NDST4: variants seen among roughly 807,000 people sequenced by gnomAD.
NDST4 encodes N-deacetylase and N-sulfotransferase 4.
Under a neutral mutation model 100.8 loss-of-function variants are expected in NDST4, and 63 were observed. The observed-to-expected ratio is 0.62, with a 90% CI of 0.51 to 0.77. The LOEUF (loss-of-function observed/expected upper bound fraction) is 0.77. NDST4 is among the 30% of genes least tolerant of loss of function. The probability of loss-of-function intolerance (pLI) is 0.00; values close to 1 mark genes in which losing one functional copy is unlikely to be tolerated. For synonymous variants in NDST4, 377 were observed against 361.8 expected, an observed-to-expected ratio of 1.04 and a Z score of -0.48; for missense variants, 943 against 1,018.4, an observed-to-expected ratio of 0.93 and a Z score of 1.01.
At chr4:114,858,805 AG>A (rs1432737454) in intron 7 of NDST4, among the ~76,000 whole-genome samples, 1 of 152,174 alleles carries the variant, frequency 6.6e-6, no homozygotes, top group Non-Finnish European at 1.5e-5. Flanking sequence ...CTCCCATAGC[AG>A]GGAAGATTCC....
At chr4:114,926,493 T>C (rs1185853589) in intron 6 of NDST4, among the ~76,000 whole-genome samples, 2 of 152,052 alleles carry the variant, frequency 1.3e-5, no homozygotes, top group Non-Finnish European at 1.5e-5. Flanking sequence ...ATGACATATT[T>C]TGAAATGTGT....
chr4:115,057,097 T>A (rs938065632), intron 2 of NDST4, among the ~76,000 whole-genome samples: 7 of 152,306 alleles, frequency 4.6e-5, no homozygotes, highest in Middle Eastern at 3.4e-3. Flanking sequence ...TTCGACATTA[T>A]ATAATCCCAG....
chr4:115,067,713 G>C (rs1728979662), intron 2 of NDST4, among the ~76,000 whole-genome samples: 1 of 149,926 alleles, frequency 6.7e-6, no homozygotes, highest in Non-Finnish European at 1.5e-5. Flanking sequence ...CTTAAATATA[G>C]TAACCTTATC....
chr4:114,870,028 C>T (rs1030436833), intron 7 of NDST4, among the ~76,000 whole-genome samples: 1 of 152,166 alleles, frequency 6.6e-6, no homozygotes, highest in Non-Finnish European at 1.5e-5. Context: ...AGGGGACTAT[C>T]TGATCTGCTC....
intron 12 of NDST4, among the ~76,000 whole-genome samples, chr4:114,831,146 G>C (rs1245911099): frequency 6.7e-6 from 1 of 150,132 alleles, no homozygotes; most frequent in Admixed American, 6.6e-5. Flanking sequence ...TCCGCTTCCC[G>C]GGTTCACGCC....
chr4:114,921,586 C>A (rs1211380651), intron 6 of NDST4, among the ~76,000 whole-genome samples: 2 of 152,100 alleles, frequency 1.3e-5, no homozygotes, highest in Non-Finnish European at 2.9e-5. Flanking sequence ...AAATCACTTG[C>A]TTTTTATCAC....
intron 1 of NDST4, among the ~76,000 whole-genome samples, chr4:115,087,469 C>T (rs746279463): frequency 2.6e-5 from 4 of 151,736 alleles, no homozygotes; most frequent in African/African-American, 9.7e-5. Flanking sequence ...CTGTTTCTTC[C>T]CTTTCCTATT....
At chr4:114,923,879 G>T (rs188740731) in intron 6 of NDST4, among the ~76,000 whole-genome samples, 7 of 151,278 alleles carry the variant, frequency 4.6e-5, no homozygotes, top group Admixed American at 3.3e-4. Flanking sequence ...TATACTAGAT[G>T]GAAAAGACTC....
intron 2 of NDST4, among the ~76,000 whole-genome samples, chr4:115,035,067 T>C (rs1415436250): frequency 6.6e-6 from 1 of 152,132 alleles, no homozygotes; most frequent in African/African-American, 2.4e-5. Context: ...GTACCCAAAC[T>C]AACACAATTT....
intron 2 of NDST4, among the ~76,000 whole-genome samples, chr4:115,029,197 C>A (rs1337416429): frequency 6.6e-6 from 1 of 151,886 alleles, no homozygotes; most frequent in Non-Finnish European, 1.5e-5. Flanking sequence ...CAGCTGCAAC[C>A]AGAAAGGGAT....
At chr4:115,033,430 TAAG>T (rs1728166309) in intron 2 of NDST4, among the ~76,000 whole-genome samples, 1 of 151,844 alleles carries the variant, frequency 6.6e-6, no homozygotes, top group African/African-American at 2.4e-5. Context: ...TATTAATTTT[TAAG>T]TAGTTAATTG....
intron 6 of NDST4, among the ~76,000 whole-genome samples, chr4:114,893,506 CT>C (rs1460328765): frequency 6.6e-6 from 1 of 151,674 alleles, no homozygotes; most frequent in Admixed American, 6.6e-5. Flanking sequence ...TGATGTTGAT[CT>C]TTTTTTCATA....
intron 2 of NDST4, among the ~76,000 whole-genome samples, chr4:115,003,428 G>T (rs1429284005): frequency 6.6e-6 from 1 of 152,044 alleles, no homozygotes; most frequent in African/African-American, 2.4e-5. Flanking sequence ...CTCTCACCAT[G>T]TTCCTAAACC....
At chr4:114,936,680 T>C (rs1193400624) in intron 5 of NDST4, among the ~76,000 whole-genome samples, 1 of 152,194 alleles carries the variant, frequency 6.6e-6, no homozygotes, top group East Asian at 1.9e-4. Context: ...GCAAATTGCC[T>C]TCTGAAATCC....
intron 6 of NDST4, among the ~76,000 whole-genome samples, chr4:114,927,389 G>A (rs1163515220): frequency 6.6e-6 from 1 of 151,754 alleles, no homozygotes; most frequent in Non-Finnish European, 1.5e-5. Flanking sequence ...TCAACAACAG[G>A]GAACTTAATA....
intron 1 of NDST4, among the ~76,000 whole-genome samples, chr4:115,106,710 C>T (rs569970145): frequency 2.0e-5 from 3 of 152,190 alleles, no homozygotes; most frequent in East Asian, 3.9e-4. Flanking sequence ...CACAGATGGA[C>T]CCATGGATAC....
chr4:115,064,539 C>T (rs1176562537), intron 2 of NDST4, among the ~76,000 whole-genome samples: 1 of 152,024 alleles, frequency 6.6e-6, no homozygotes. Context: ...GTTCCAAATT[C>T]CAAATTCCAG....
At chr4:115,078,257 G>C (rs1729232190) in intron 1 of NDST4, among the ~76,000 whole-genome samples, 1 of 152,124 alleles carries the variant, frequency 6.6e-6, no homozygotes, top group Non-Finnish European at 1.5e-5. Context: ...CATGGTAGAA[G>C]GCAAGGGGGT....
intron 6 of NDST4, among the ~76,000 whole-genome samples, chr4:114,910,795 A>C (rs182666860): frequency 6.6e-6 from 1 of 152,334 alleles, no homozygotes; most frequent in East Asian, 1.9e-4. Context: ...TCCACATCTT[A>C]GTAAACATGC....
Sources: gnomAD v4.1 joint callset for allele counts (sites outside exome capture counted in the v4.1 genomes callset) on GRCh38, gnomAD v4.1.1 for gene constraint, MANE v1.5 for transcripts, NCBI Gene and HGNC (gene_info 2026-07-23, HGNC 2026-07-21) for gene names.